The following OR51B5 variants were observed in gnomAD, a reference collection of about 807,000 sequenced individuals.
OR51B5 encodes olfactory receptor 51B5.
For missense variants in OR51B5, 456 were observed against 374.6 expected, an observed-to-expected ratio of 1.22 and a Z score of -1.79; for synonymous variants, 186 against 144.8, an observed-to-expected ratio of 1.28 and a Z score of -2.04.
chr11:5,389,134 A>G (rs1007046376), intron 1 of OR51B5, among the ~76,000 whole-genome samples: 9 of 152,198 alleles, frequency 5.9e-5, no homozygotes, highest in Admixed American at 5.9e-4. Flanking sequence ...GGGAAGAACT[A>G]TACTTAAGGG....
chr11:5,354,737 G>A (rs138900977), intron 1 of OR51B5: 551 of 178,646 alleles, frequency 3.1e-3, no homozygotes, highest in Middle Eastern at 0.012. Flanking sequence ...GCCTGGAAGA[G>A]ACTCAGCCAC....
At position 5,458,376 on chromosome 11, in the gene OR51B5, T is replaced by C. The variant is rs1286343536; in HGVS notation, n.84+47193A>G. ...CTTACAGTAGCCTTATAGTATAGTT[T>C]GAAATCAGGTGATGTGATGCCTCTG... On this transcript the variant is annotated intron_variant and non_coding_transcript_variant, in intron 1 of 4. Transcript: ENST00000415970. Among the ~76,000 whole-genome samples the C allele has an allele frequency of 3.3e-5, 5 of 152,342 alleles. No homozygotes were observed. The East Asian group carries it at 9.6e-4, about 29-fold the overall frequency.
intron 1 of OR51B5, chr11:5,389,910 T>C: frequency 1.2e-6 from 2 of 1,612,034 alleles, no homozygotes; most frequent in Non-Finnish European, 1.7e-6. Context: ...ACTATCCCTA[T>C]TGTCCTCCTC....
intron 1 of OR51B5, among the ~76,000 whole-genome samples, chr11:5,386,613 T>C (rs1363658481): frequency 6.6e-6 from 1 of 151,982 alleles, no homozygotes; most frequent in African/African-American, 2.4e-5. Context: ...CAGTGATTCA[T>C]AGAGTTAGTA....
intron 1 of OR51B5, among the ~76,000 whole-genome samples, chr11:5,409,031 C>CT (rs955767993): frequency 2.0e-5 from 3 of 151,960 alleles, no homozygotes; most frequent in Admixed American, 6.6e-5. Context: ...TGGTACTAAC[C>CT]TTTTTTAAAA....
chr11:5,476,250 C>T (rs899987048), intron 1 of OR51B5, among the ~76,000 whole-genome samples: 1 of 152,102 alleles, frequency 6.6e-6, no homozygotes, highest in African/African-American at 2.4e-5. Context: ...ATTCTATAAA[C>T]TCGTTTAAAT....
intron 1 of OR51B5, among the ~76,000 whole-genome samples, chr11:5,370,424 T>C (rs1384368504): frequency 1.3e-5 from 2 of 152,184 alleles, no homozygotes; most frequent in African/African-American, 4.8e-5. Flanking sequence ...GAAAATTAAA[T>C]TCAAATCTTC....
chr11:5,398,564 A>G (rs1291583546), intron 1 of OR51B5, among the ~76,000 whole-genome samples: 3 of 152,146 alleles, frequency 2.0e-5, no homozygotes, highest in Admixed American at 6.5e-5. Flanking sequence ...GCACAAGCCC[A>G]TGATCCCTGA....
intron 1 of OR51B5, among the ~76,000 whole-genome samples, chr11:5,437,074 G>A (rs534273277): frequency 6.6e-6 from 1 of 152,176 alleles, no homozygotes; most frequent in South Asian, 2.1e-4. Context: ...CTTACCTTGG[G>A]AATAAAAAGA....
At chr11:5,462,304 G>C (rs749112830) in intron 1 of OR51B5, among the ~76,000 whole-genome samples, 3 of 152,026 alleles carry the variant, frequency 2.0e-5, no homozygotes, top group Non-Finnish European at 2.9e-5. Flanking sequence ...ATCTAATGCA[G>C]AATGAAAAAA....
At chr11:5,466,570 C>T (rs138696375) in intron 1 of OR51B5, among the ~76,000 whole-genome samples, 4 of 152,258 alleles carry the variant, frequency 2.6e-5, no homozygotes, top group African/African-American at 4.8e-5. Flanking sequence ...TGGCCCTGAG[C>T]GCCATGGATT....
At chr11:5,418,455 A>T (rs1850275631) in intron 1 of OR51B5, among the ~76,000 whole-genome samples, 1 of 152,004 alleles carries the variant, frequency 6.6e-6, no homozygotes, top group South Asian at 2.1e-4. Context: ...AAAACAAACA[A>T]ACAAAAAAAG....
chr11:5,427,607 A>G (rs1056104058), intron 1 of OR51B5, among the ~76,000 whole-genome samples: 1 of 152,358 alleles, frequency 6.6e-6, no homozygotes, highest in South Asian at 2.1e-4. Flanking sequence ...AGTGACGACA[A>G]TCCAGTAGGA....
chr11:5,480,315 C>T (rs1304006731), intron 1 of OR51B5, among the ~76,000 whole-genome samples: 12 of 151,620 alleles, frequency 7.9e-5, no homozygotes, highest in African/African-American at 2.9e-4. Flanking sequence ...CCAACGAGAA[C>T]AAAGACACAA....
intron 1 of OR51B5, chr11:5,362,978 A>AAAG (rs1658842491): frequency 6.5e-6 from 1 of 154,648 alleles, no homozygotes; most frequent in Non-Finnish European, 1.4e-5. Context: ...TAAAAAAAAA[A>AAAG]AAGAAATAAT....
chr11:5,422,464 G>A, intron 1 of OR51B5: 1 of 1,614,110 alleles, frequency 6.2e-7, no homozygotes, highest in Non-Finnish European at 8.5e-7. Context: ...AGCTTCTCTG[G>A]TTCAACGTTC....
At chr11:5,390,114 G>T in intron 1 of OR51B5, 1 of 1,613,762 alleles carries the variant, frequency 6.2e-7, no homozygotes. Flanking sequence ...ACAGTAGCAG[G>T]CCTGGCCTCC....
At chr11:5,422,257 C>T in intron 1 of OR51B5, 11 of 1,614,072 alleles carry the variant, frequency 6.8e-6, no homozygotes, top group Non-Finnish European at 9.3e-6. Context: ...TCACGGACAT[C>T]CCTGGATTTG....
chr11:5,482,176 G>C (rs1166432888), intron 1 of OR51B5, among the ~76,000 whole-genome samples: 2 of 105,374 alleles, frequency 1.9e-5, no homozygotes, highest in Non-Finnish European at 3.7e-5. Context: ...CAATGGAACA[G>C]AACAGAGCCC....
Sources: gnomAD v4.1 joint callset for allele counts (sites outside exome capture counted in the v4.1 genomes callset) on GRCh38, gnomAD v4.1.1 for gene constraint, MANE v1.5 for transcripts, NCBI Gene and HGNC (gene_info 2026-07-23, HGNC 2026-07-21) for gene names.